KCNQ4: variants seen among roughly 807,000 people sequenced by gnomAD.
KCNQ4 encodes potassium voltage-gated channel subfamily KQT member 4.
A neutral mutation model predicts 72.6 loss-of-function variants in KCNQ4; 31 were observed. The observed-to-expected ratio is 0.43, with a 90% CI of 0.32 to 0.58. The LOEUF (loss-of-function observed/expected upper bound fraction) is 0.58, where lower values mean the gene tolerates loss of function less well. Ranked by LOEUF, KCNQ4 falls within the 20% of genes least tolerant of loss-of-function variation. The pLI is 0.08. For synonymous variants in KCNQ4, 405 were observed against 403.7 expected (o/e 1.00, Z -0.04); for missense variants, 869 against 962.6 (o/e 0.90, Z 1.29).
Position 40,788,804 on chromosome 1 carries a change from G to C in KCNQ4, c.314+4397G>C, listed in dbSNP as rs759269076. Among the ~76,000 whole-genome samples the C allele has an allele frequency of 6.6e-6, 1 of 152,184 alleles. No individual in the cohort carries two copies. Among genetic ancestry groups the C allele is most frequent in the Non-Finnish European group, 1.5e-5 (1 of 68,040 alleles). On this transcript the variant is annotated intron_variant, in intron 1 of 13. Transcript: ENST00000347132. This position sits in a 1 kb window ranked among gnomAD's most constrained non-coding sequence, Gnocchi z 4.5. ...GAGTGGAAACTGCCAGCCTCACCCAGTGCAGCCACGTTTTAGTTGTAGACC... is the reference window on the plus strand; with the variant it reads ...GAGTGGAAACTGCCAGCCTCACCCACTGCAGCCACGTTTTAGTTGTAGACC...
chr1:40,826,091 G>A (rs1204212178), intron 9 of KCNQ4, among the ~76,000 whole-genome samples: 14 of 152,204 alleles, frequency 9.2e-5, no homozygotes, highest in Admixed American at 5.2e-4. Context: ...TGGCCGTATC[G>A]TTAATCGTGG....
chr1:40,838,694 G>T lies in KCNQ4; in HGVS notation c.*171G>T. 1.5e-6 allele frequency: 1 copy of T among 681,264 alleles called. No individual in the cohort carries two copies. The highest frequency in any genetic ancestry group is 2.7e-5 in the East Asian group (1 of 36,816). The allele number at this position is 681,264 out of a possible 1,614,324, so 42.2% of individuals were successfully genotyped here. The stretch of plus-strand genomic sequence containing the variant: ...GGCGTGGTACCTGCTGTGGGTGCCA[G>T]CGCCCCTTCCCCACCTCAGGAGCGT... On this transcript the variant is annotated 3_prime_UTR_variant, in exon 14 of 14. Transcript: ENST00000347132.
intron 1 of KCNQ4, among the ~76,000 whole-genome samples, chr1:40,793,004 CTT>C (rs10549805): frequency 1.0e-4 from 11 of 109,058 alleles, no homozygotes; most frequent in Admixed American, 2.0e-4. Flanking sequence ...TTCTTTCTTT[CTT>C]TTTTTTTTTT....
intron 1 of KCNQ4, among the ~76,000 whole-genome samples, chr1:40,813,823 C>T (rs181212549): frequency 1.5e-3 from 224 of 152,228 alleles, no homozygotes; most frequent in Non-Finnish European, 2.8e-3. Flanking sequence ...TCTTGGCTCA[C>T]TGCAAGCTCT....
In KCNQ4 at chr1:40,789,920, C is replaced by T. The variant is rs974100204; in HGVS notation, c.314+5513C>T. Among the ~76,000 whole-genome samples, 3 of 152,214 alleles carry T rather than the reference C, an allele frequency of 2.0e-5. No homozygotes were observed. In the East Asian group the frequency reaches 5.8e-4, roughly 29 times the overall value. On this transcript the variant is annotated intron_variant, in intron 1 of 13. Transcript: ENST00000347132. ...CTGCCCAGGGAACTTCCCCAGACTC[C>T]CTCCTACCTCCCTAGCACCAATGTG...
Position 40,819,312 on chromosome 1 carries a change from G to A in KCNQ4, c.709-35G>A, listed in dbSNP as rs767046677. 8 of 1,612,942 alleles carry A rather than the reference G, an allele frequency of 5.0e-6. No individual in the cohort carries two copies. In the South Asian group the frequency reaches 8.8e-5, roughly 18 times the overall value. ...CCCCCACATCTCCCAGGCAGGCACA[G>A]CGCTCCTCACCGCGCCCCTCCGCCT... On this transcript the variant is annotated intron_variant, in intron 4 of 13. Coordinates refer to ENST00000347132, the MANE Select transcript of KCNQ4 (RefSeq NM_004700.4).
chr1:40,784,318 C>G lies in KCNQ4; in HGVS notation c.225C>G (p.Ala75=). Residue 75 remains alanine (A), a synonymous_variant, in exon 1 of 14, where the codon GCC becomes GCG. Transcript: ENST00000347132. The surrounding 1 kb of genome is among the most constrained non-coding windows in gnomAD (Gnocchi z 4.1). ...SGSACGQRSS[A]AHKRYRRLQN... ...CCGCCTGCGGCCAGCGCTCCTCGGC[C>G]GCGCACAAGCGCTACCGCCGCCTGC... 1.2e-6 allele frequency: 2 copies of G among 1,606,666 alleles called. No individual in the cohort carries two copies. The highest frequency in any genetic ancestry group is 1.7e-4 in the Middle Eastern group (1 of 6,040).
intron 9 of KCNQ4, 53 bp from the exon 10 acceptor site, chr1:40,831,025 TCACCCC>T: frequency 1.4e-6 from 2 of 1,385,678 alleles, no homozygotes; most frequent in Non-Finnish European, 2.0e-6. Flanking sequence ...TTGTCCCCAC[TCACCCC>T]CACCCCCAGC....
In KCNQ4 at chr1:40,818,154, G is replaced by A; in HGVS notation, c.406-10G>A. ...ACTGAGGACCAGAACTCAGGCCCCT[G>A]GTCCCACAGGAATTCGTGATGATCG... On this transcript the variant is annotated splice_polypyrimidine_tract_variant and intron_variant, in intron 2 of 13. Coordinates refer to ENST00000347132, the MANE Select transcript of KCNQ4 (RefSeq NM_004700.4). 2 of 1,614,012 alleles carry A rather than the reference G, an allele frequency of 1.2e-6. No individual in the cohort carries two copies. The highest frequency in any genetic ancestry group is 8.5e-7 in the Non-Finnish European group (1 of 1,180,028).
intron 1 of KCNQ4, among the ~76,000 whole-genome samples, chr1:40,801,902 T>G (rs1245712055): frequency 6.6e-6 from 1 of 152,088 alleles, no homozygotes; most frequent in African/African-American, 2.4e-5. Flanking sequence ...CGACTTTGAT[T>G]TCTTTATCTG....
chr1:40,787,433 G>A (rs889126027), intron 1 of KCNQ4, among the ~76,000 whole-genome samples: 4 of 152,244 alleles, frequency 2.6e-5, no homozygotes, highest in Admixed American at 6.5e-5. Context: ...GAGCGCATTC[G>A]CCCTAGGGTA....
chr1:40,834,312 G>A (rs1368306826), intron 11 of KCNQ4, among the ~76,000 whole-genome samples: 2 of 152,088 alleles, frequency 1.3e-5, no homozygotes, highest in African/African-American at 2.4e-5. Flanking sequence ...TCAGACCAGG[G>A]AGACTTTCAG....
intron 1 of KCNQ4, among the ~76,000 whole-genome samples, chr1:40,790,834 C>T (rs1647266752): frequency 6.6e-6 from 1 of 152,000 alleles, no homozygotes; most frequent in South Asian, 2.1e-4. Flanking sequence ...TCTGCCGGGA[C>T]CACTGGCCTC....
At position 40,838,624 on chromosome 1, in the gene KCNQ4, C is replaced by A; in HGVS notation, c.*101C>A. On this transcript the variant is annotated 3_prime_UTR_variant, in exon 14 of 14. Coordinates refer to ENST00000347132, the MANE Select transcript of KCNQ4 (RefSeq NM_004700.4). ...ACTCCTCTCGTACTTGAACTCACTC[C>A]CTCACGGGGAGAGAGACCACACGCA... 1 of 1,115,954 alleles carries A rather than the reference C, an allele frequency of 9.0e-7. No homozygotes were observed. The highest frequency in any genetic ancestry group is 1.4e-6 in the Non-Finnish European group (1 of 738,898). The allele number at this position is 1,115,954 out of a possible 1,614,324, so 69.1% of individuals were successfully genotyped here.
At chr1:40,786,752 G>A (rs570357299) in intron 1 of KCNQ4, among the ~76,000 whole-genome samples, 1 of 152,280 alleles carries the variant, frequency 6.6e-6, no homozygotes, top group South Asian at 2.1e-4. Flanking sequence ...TGAGGTAATA[G>A]AGTGGGAAAG....
intron 1 of KCNQ4, among the ~76,000 whole-genome samples, chr1:40,791,983 C>T (rs1191921794): frequency 6.6e-6 from 1 of 150,698 alleles, no homozygotes; most frequent in African/African-American, 2.5e-5. Context: ...TCCCACAGAG[C>T]GAAAGATGGA....
At chr1:40,801,651 T>C (rs1174378522) in intron 1 of KCNQ4, among the ~76,000 whole-genome samples, 2 of 152,226 alleles carry the variant, frequency 1.3e-5, no homozygotes, top group African/African-American at 4.8e-5. Flanking sequence ...ATCTGGCACC[T>C]GTGCCTGGGC....
intron 1 of KCNQ4, among the ~76,000 whole-genome samples, chr1:40,789,213 G>A (rs900828040): frequency 6.6e-6 from 1 of 152,146 alleles, no homozygotes; most frequent in African/African-American, 2.4e-5. Flanking sequence ...GGGTCCTCGG[G>A]GGTCCTTTGA....
intron 1 of KCNQ4, among the ~76,000 whole-genome samples, chr1:40,810,468 CAAT>C (rs1161891173): frequency 6.6e-6 from 1 of 152,164 alleles, no homozygotes; most frequent in Middle Eastern, 3.2e-3. Flanking sequence ...TCTGGTTTTA[CAAT>C]AAACCTGGCT....
Sources: allele counts gnomAD v4.1 joint callset (sites outside exome capture counted in the v4.1 genomes callset), GRCh38; gene constraint gnomAD v4.1.1; non-coding constraint Gnocchi (gnomAD v3.1); transcripts MANE v1.5; gene names NCBI Gene and HGNC (gene_info 2026-07-23, HGNC 2026-07-21).